The following ACSM3 variants were observed in gnomAD, a reference collection of about 807,000 sequenced individuals.
The protein encoded by ACSM3 is acyl-coenzyme A synthetase ACSM3, mitochondrial.
A neutral mutation model predicts 74.1 loss-of-function variants in ACSM3; 61 were observed. The observed-to-expected ratio is 0.82, with a 90% CI of 0.67 to 1.02. The LOEUF (loss-of-function observed/expected upper bound fraction) is 1.02, where lower values mean the gene tolerates loss of function less well. ACSM3 is among the 50% of genes least tolerant of loss of function. The pLI, the probability that ACSM3 is intolerant of heterozygous loss-of-function variation, is 0.00. For missense variants in ACSM3, 660 were observed against 697.0 expected, an observed-to-expected ratio of 0.95 and a Z score of 0.60; for synonymous variants, 213 against 241.5, an observed-to-expected ratio of 0.88 and a Z score of 1.09.
At chr16:20,791,383 TTATC>T (rs1157456927) in intron 10 of ACSM3, among the ~76,000 whole-genome samples, 20 of 152,328 alleles carry the variant, frequency 1.3e-4, no homozygotes, top group African/African-American at 4.8e-4. Context: ...CCTACCAGCA[TTATC>T]TATTAATCAA....
chr16:20,769,681 A>G (rs549515375), intron 1 of ACSM3, among the ~76,000 whole-genome samples: 19 of 152,332 alleles, frequency 1.2e-4, no homozygotes, highest in African/African-American at 4.3e-4. Context: ...AATAGTGCAC[A>G]GTATTCTGGA....
intron 1 of ACSM3, among the ~76,000 whole-genome samples, chr16:20,691,760 TG>T (rs1567315908): frequency 2.3e-5 from 1 of 42,690 alleles, no homozygotes; most frequent in Admixed American, 2.3e-4. Flanking sequence ...AATGTGTGTG[TG>T]TGTGTGTGTG....
intron 1 of ACSM3, among the ~76,000 whole-genome samples, chr16:20,677,900 G>T (rs2079340259): frequency 6.6e-6 from 1 of 152,024 alleles, no homozygotes; most frequent in African/African-American, 2.4e-5. Context: ...TGAAAGTAAA[G>T]AAATAAAGTA....
At chr16:20,741,905 G>T (rs2079930650) in intron 1 of ACSM3, 1 of 1,534,412 alleles carries the variant, frequency 6.5e-7, no homozygotes, top group East Asian at 2.4e-5. Flanking sequence ...GTCTGCAATC[G>T]TGAAAGGGGT....
intron 1 of ACSM3, among the ~76,000 whole-genome samples, chr16:20,688,922 TA>T (rs1017805396): frequency 5.3e-5 from 8 of 150,190 alleles, no homozygotes; most frequent in African/African-American, 1.9e-4. Flanking sequence ...TTACAGTATT[TA>T]AAAAACAAAT....
intron 1 of ACSM3, chr16:20,711,585 G>A (rs2152377655): frequency 1.5e-6 from 2 of 1,324,858 alleles, no homozygotes; most frequent in Non-Finnish European, 2.1e-6. Context: ...TCCCAGTAGT[G>A]GAGTCCATTG....
chr16:20,750,186 T>C (rs1028372689), intron 2 of ACSM3, among the ~76,000 whole-genome samples: 1 of 152,244 alleles, frequency 6.6e-6, no homozygotes, highest in Non-Finnish European at 1.5e-5. Flanking sequence ...TACATATATC[T>C]ATCCCACTTA....
chr16:20,713,666 C>G (rs1027275424), intron 1 of ACSM3, among the ~76,000 whole-genome samples: 1 of 152,108 alleles, frequency 6.6e-6, no homozygotes, highest in Non-Finnish European at 1.5e-5. Context: ...AACAACTTTG[C>G]AATATTCTGT....
At chr16:20,775,351 C>T (rs1417749224) in intron 2 of ACSM3, among the ~76,000 whole-genome samples, 1 of 152,094 alleles carries the variant, frequency 6.6e-6, no homozygotes, top group Non-Finnish European at 1.5e-5. Context: ...TACTATACAG[C>T]GTTTACTAGG....
At chr16:20,708,011 G>T (rs1275188480) in intron 1 of ACSM3, among the ~76,000 whole-genome samples, 4 of 152,180 alleles carry the variant, frequency 2.6e-5, no homozygotes, top group Non-Finnish European at 5.9e-5. Flanking sequence ...ACGCATAAAA[G>T]TTTTTCTTGC....
chr16:20,693,951 A>C (rs989015475), intron 1 of ACSM3, among the ~76,000 whole-genome samples: 1 of 152,244 alleles, frequency 6.6e-6, no homozygotes, highest in Non-Finnish European at 1.5e-5. Flanking sequence ...CTGTGCTAAG[A>C]TTCTTAAATA....
At chr16:20,766,373 G>C (rs2080125465) in intron 1 of ACSM3, among the ~76,000 whole-genome samples, 1 of 152,130 alleles carries the variant, frequency 6.6e-6, no homozygotes, top group Middle Eastern at 3.4e-3. Context: ...TCAGAACAGG[G>C]CTGAGTGTGG....
Position 20,682,383 on chromosome 16 carries a change from T to C in ACSM3, c.-190+7561T>C, listed in dbSNP as rs370466789. Reference sequence around the variant, plus strand: ...GAGGCAAGGGCATCTATGGTCACAATGCCCTTGGCTTTAGACAACTGTAGT... The same window carrying C: ...GAGGCAAGGGCATCTATGGTCACAACGCCCTTGGCTTTAGACAACTGTAGT... On this transcript the variant is annotated intron_variant, in intron 1 of 3. Coordinates refer to the ACSM3 transcript ENST00000561584. The C allele has an allele frequency of 1.7e-5, 28 of 1,613,924 alleles. No individual in the cohort carries two copies. The highest frequency in any genetic ancestry group is 2.4e-5 in the Non-Finnish European group (28 of 1,179,946).
intron 1 of ACSM3, chr16:20,721,176 G>A (rs2079783840): frequency 6.6e-6 from 1 of 152,296 alleles, no homozygotes; most frequent in African/African-American, 2.4e-5. Context: ...CAAGGGAGGA[G>A]GAAGTGAGGG....
rs138834355 is a variant in ACSM3 at position 20,691,101 on chromosome 16, G to A, written c.-190+16279G>A. 2.5e-4 allele frequency: 400 copies of A among 1,613,698 alleles called. 6 individuals carry two copies. In the East Asian group the frequency reaches 2.9e-3, roughly 12 times the overall value. On this transcript the variant is annotated intron_variant, in intron 1 of 3. Coordinates refer to the ACSM3 transcript ENST00000561584. ...GGGGCTCCAAATTCTGATAAAGACC[G>A]GCAGCGCAGCTGTGAAGGGGCAGGG...
rs75789205 is a variant in ACSM3, at chr16:20,718,892, T to A, written c.-189-31018T>A. On this transcript the variant is annotated intron_variant, in intron 1 of 3. Coordinates refer to the ACSM3 transcript ENST00000561584. ...CACTTCATTGTATATGTATTCGCTG[T>A]CACCTAAAATAAGAGCAGAGGTCTG... Among the ~76,000 whole-genome samples the A allele has an allele frequency of 1.4e-4, 22 of 152,346 alleles. No homozygotes were observed. The East Asian group carries it at 4.2e-3, about 29-fold the overall frequency.
intron 1 of ACSM3, chr16:20,681,893 G>A (rs1454923790): frequency 5.8e-6 from 1 of 172,090 alleles, no homozygotes; most frequent in African/African-American, 2.4e-5. Context: ...CAGGCATTGT[G>A]AAGACCCTGT....
chr16:20,748,369 T>C (rs1307556571), intron 1 of ACSM3, among the ~76,000 whole-genome samples: 1 of 152,082 alleles, frequency 6.6e-6, no homozygotes, highest in Non-Finnish European at 1.5e-5. Context: ...TGATTAAGAA[T>C]ATATTTTAGG....
intron 1 of ACSM3, chr16:20,741,778 G>A (rs1201128727): frequency 5.8e-6 from 9 of 1,549,508 alleles, no homozygotes; most frequent in African/African-American, 1.4e-5. Context: ...ACGTTTCTCC[G>A]CTGCTGTTGG....
Sources: allele counts gnomAD v4.1 joint callset (sites outside exome capture counted in the v4.1 genomes callset), GRCh38; gene constraint gnomAD v4.1.1; transcripts MANE v1.5; gene names NCBI Gene and HGNC (gene_info 2026-07-23, HGNC 2026-07-21).